Variants in MRPL3 observed in about 807,000 individuals in gnomAD.
MRPL3 encodes the protein mitochondrial ribosomal protein L3.
MRPL3 carries 43 observed loss-of-function variants against 44.3 expected under a neutral mutation model. That is an observed-to-expected ratio of 0.97 (90% CI 0.76 to 1.25). The LOEUF is 1.25. Among genes scored for constraint, MRPL3 ranks in the 50% most tolerant of loss-of-function variants. MRPL3 has a pLI of 0.00. For synonymous variants in MRPL3, 171 were observed against 152.3 expected, an observed-to-expected ratio of 1.12 and a Z score of -0.91; for missense variants, 406 against 427.6, an observed-to-expected ratio of 0.95 and a Z score of 0.45.
intron 6 of MRPL3, among the ~76,000 whole-genome samples, chr3:131,476,018 A>G (rs1933845276): frequency 6.6e-6 from 1 of 152,176 alleles, no homozygotes; most frequent in Admixed American, 6.5e-5. Context: ...AAAACTGATG[A>G]TCTCTTACTT....
chr3:131,463,561 AT>A (rs1321225440), intron 9 of MRPL3, among the ~76,000 whole-genome samples: 1 of 152,158 alleles, frequency 6.6e-6, no homozygotes, highest in African/African-American at 2.4e-5. Flanking sequence ...AACCAATCCT[AT>A]CTTCATATAC....
chr3:131,497,352 T>C (rs1049076206), intron 4 of MRPL3, among the ~76,000 whole-genome samples: 3 of 152,206 alleles, frequency 2.0e-5, no homozygotes, highest in Admixed American at 2.0e-4. Flanking sequence ...GTAATAAATG[T>C]TCAATAAAAG....
intron 4 of MRPL3, among the ~76,000 whole-genome samples, chr3:131,496,416 C>T (rs1402136368): frequency 2.6e-5 from 4 of 152,086 alleles, no homozygotes; most frequent in Non-Finnish European, 5.9e-5. Flanking sequence ...AGTATGCTAC[C>T]ATAATATTCA....
At position 131,501,706 on chromosome 3, in the gene MRPL3, G is replaced by C. The variant is rs79534309; in HGVS notation, c.102C>G (p.Ile34Met). ...AALGPGNRTH[I>M]WLFVRGLHGK... Reference sequence around the variant, plus strand: ...CATGAAGACCTCTAACAAAAAGCCAGATGTGTGTTCTATAAAAAGAAAAAA... The same window carrying C: ...CATGAAGACCTCTAACAAAAAGCCACATGTGTGTTCTATAAAAAGAAAAAA... The change falls in exon 2 of 10, where the codon ATC (isoleucine) becomes ATG (methionine). Residue 34 changes from isoleucine (I) to methionine (M), a missense_variant. Physicochemically the swap from Ile to Met is conservative, Grantham distance 10 (BLOSUM62 1). Transcript: ENST00000264995. The C allele has an allele frequency of 1.1e-4, 175 of 1,610,632 alleles. No homozygotes were observed. The highest frequency in any genetic ancestry group is 1.5e-4 in the Non-Finnish European group (172 of 1,178,902).
At chr3:131,470,196 C>G (rs1436272175) in intron 7 of MRPL3, among the ~76,000 whole-genome samples, 2 of 152,086 alleles carry the variant, frequency 1.3e-5, no homozygotes, top group Non-Finnish European at 2.9e-5. Context: ...TCCTACTGCT[C>G]CTTGCTTTAG....
At chr3:131,467,972 G>A (rs1933653741) in intron 9 of MRPL3, 119 bp downstream of exon 9, 1 of 486,860 alleles carries the variant, frequency 2.1e-6, no homozygotes, top group African/African-American at 2.0e-5. Flanking sequence ...TGAGAAAAAG[G>A]AGACTTTATG....
At chr3:131,495,236 T>C (rs1934341292) in intron 4 of MRPL3, among the ~76,000 whole-genome samples, 1 of 152,282 alleles carries the variant, frequency 6.6e-6, no homozygotes, top group Non-Finnish European at 1.5e-5. Context: ...CGATTTGCAT[T>C]TTTTCCTGAG....
chr3:131,488,583 A>G (rs1338638033), intron 5 of MRPL3: 2 of 152,146 alleles, frequency 1.3e-5, no homozygotes, highest in African/African-American at 2.4e-5. Context: ...GGCCCCTGAC[A>G]GCAAGAAATT....
intron 4 of MRPL3, among the ~76,000 whole-genome samples, chr3:131,492,600 G>A (rs1341288912): frequency 6.6e-6 from 1 of 151,756 alleles, no homozygotes; most frequent in African/African-American, 2.4e-5. Context: ...TAGAGCTCGG[G>A]TGGTAACTAA....
Position 131,468,175 on chromosome 3 carries a change from C to T in MRPL3, c.817-7G>A. The stretch of plus-strand genomic sequence containing the variant: ...TTGTGTTTATTCTCCACACCTAAAG[C>T]ATGAAATAAAACCAAAAATTTTAGG... On this transcript the variant is annotated splice_polypyrimidine_tract_variant and splice_region_variant and intron_variant, in intron 8 of 9. Coordinates refer to ENST00000264995, the MANE Select transcript of MRPL3 (RefSeq NM_007208.4). 1 of 1,570,034 alleles carries T rather than the reference C, an allele frequency of 6.4e-7. No individual in the cohort carries two copies.
chr3:131,489,901 G>T, intron 5 of MRPL3, 80 bp downstream of exon 5: 2 of 791,498 alleles, frequency 2.5e-6, no homozygotes, highest in Non-Finnish European at 4.3e-6. Context: ...TTTAGATGTA[G>T]CTTTATTGAA....
At chr3:131,502,196 C>T (rs1315245348) in intron 1 of MRPL3, among the ~76,000 whole-genome samples, 1 of 152,134 alleles carries the variant, frequency 6.6e-6, no homozygotes, top group African/African-American at 2.4e-5. Flanking sequence ...GGTGAACATA[C>T]CAAGAAAGAC....
At chr3:131,465,891 C>CTTTTTTTTTTTTT (rs55635822) in intron 9 of MRPL3, among the ~76,000 whole-genome samples, 1 of 133,346 alleles carries the variant, frequency 7.5e-6, no homozygotes, top group Non-Finnish European at 1.5e-5. Context: ...CTTTTTCTCT[C>CTTTTTTTTTTTTT]TTTTTTTTTT....
intron 6 of MRPL3, among the ~76,000 whole-genome samples, chr3:131,474,109 T>C (rs894015115): frequency 5.3e-5 from 8 of 152,148 alleles, no homozygotes; most frequent in Non-Finnish European, 8.8e-5. Context: ...CTTGTATTTA[T>C]TGAGCACCAT....
intron 9 of MRPL3, among the ~76,000 whole-genome samples, chr3:131,465,841 G>T (rs1373274816): frequency 4.7e-5 from 7 of 148,872 alleles, no homozygotes; most frequent in Admixed American, 4.7e-4. Flanking sequence ...CAAACTTAAG[G>T]AAAAAACAAA....
chr3:131,491,274 C>T (rs1934250308), intron 4 of MRPL3, among the ~76,000 whole-genome samples: 1 of 152,116 alleles, frequency 6.6e-6, no homozygotes, highest in Non-Finnish European at 1.5e-5. Context: ...TACGGTCAAC[C>T]ACACTGGTTG....
intron 9 of MRPL3, among the ~76,000 whole-genome samples, chr3:131,464,877 C>G (rs921602097): frequency 2.6e-5 from 4 of 152,140 alleles, no homozygotes; most frequent in African/African-American, 9.7e-5. Context: ...AAGTTGGCTG[C>G]CCACTAGGAA....
chr3:131,485,759 C>G (rs1489817682), intron 6 of MRPL3, among the ~76,000 whole-genome samples: 2 of 152,156 alleles, frequency 1.3e-5, no homozygotes, highest in African/African-American at 4.8e-5. Context: ...GTTATTAAAG[C>G]AGCCAGCAGC....
At chr3:131,499,566 A>C (rs1934448519) in intron 3 of MRPL3, among the ~76,000 whole-genome samples, 1 of 152,184 alleles carries the variant, frequency 6.6e-6, no homozygotes, top group African/African-American at 2.4e-5. Context: ...TAATTTGCAA[A>C]GGATCTATAG....
Sources: gnomAD v4.1 joint callset for allele counts (sites outside exome capture counted in the v4.1 genomes callset) on GRCh38, gnomAD v4.1.1 for gene constraint, MANE v1.5 for transcripts, NCBI Gene and HGNC (gene_info 2026-07-23, HGNC 2026-07-21) for gene names.